The following RALYL variants were observed in gnomAD, a reference collection of about 807,000 sequenced individuals.
The protein encoded by RALYL is RNA-binding Raly-like protein.
Under a neutral mutation model 35.1 loss-of-function variants are expected in RALYL, and 29 were observed. The observed-to-expected ratio is 0.83, with a 90% CI of 0.61 to 1.13. The LOEUF (loss-of-function observed/expected upper bound fraction) is 1.13. Among genes scored for constraint, RALYL ranks in the 50% most tolerant of loss-of-function variants. The pLI, the probability that RALYL is intolerant of heterozygous loss-of-function variation, is 0.00. For missense variants in RALYL, 359 were observed against 360.4 expected (o/e 1.00, Z 0.03); for synonymous variants, 120 against 127.6 (o/e 0.94, Z 0.40).
chr8:84,428,172 G>A (rs2046747018), intron 1 of RALYL, among the ~76,000 whole-genome samples: 1 of 149,102 alleles, frequency 6.7e-6, no homozygotes, highest in African/African-American at 2.5e-5. Flanking sequence ...AGTTTATACT[G>A]AAACTATTTA....
At chr8:84,617,823 AG>A in intron 2 of RALYL, among the ~76,000 whole-genome samples, 1 of 151,792 alleles carries the variant, frequency 6.6e-6, no homozygotes, top group East Asian at 1.9e-4. Flanking sequence ...ATTTTGTCAA[AG>A]GCCTTTTCTG....
intron 1 of RALYL, among the ~76,000 whole-genome samples, chr8:84,200,024 AT>A (rs1371272944): frequency 1.4e-5 from 1 of 69,302 alleles, no homozygotes; most frequent in Middle Eastern, 9.3e-3. Context: ...CCCAGTACTT[AT>A]TATGTAATTT....
At chr8:84,551,324 C>T (rs1201802938) in intron 2 of RALYL, among the ~76,000 whole-genome samples, 7 of 152,056 alleles carry the variant, frequency 4.6e-5, no homozygotes, top group Non-Finnish European at 1.0e-4. Flanking sequence ...TATTGACCAA[C>T]ATAATTGTTT....
In RALYL at chr8:84,802,127, C is replaced by T. The variant is rs189741939; in HGVS notation, c.333-2643C>T. On this transcript the variant is annotated intron_variant, in intron 3 of 8. Coordinates refer to ENST00000521268, the MANE Select transcript of RALYL (RefSeq NM_173848.7). ...CTGCCACAACTACTCAACTTGTTGC[C>T]GTAGCACAAAGCAGCCTTAAACAAT... Among the ~76,000 whole-genome samples, 9 of 152,198 alleles carry T rather than the reference C, an allele frequency of 5.9e-5. No individual in the cohort carries two copies. The South Asian group carries it at 8.3e-4, about 14-fold the overall frequency.
intron 2 of RALYL, among the ~76,000 whole-genome samples, chr8:84,669,476 T>TC (rs1303807313): frequency 5.1e-3 from 54 of 10,642 alleles, no homozygotes; most frequent in East Asian, 6.9e-3. Flanking sequence ...CCACATCTTC[T>TC]CCCTCCCCCC....
At position 84,905,317 on chromosome 8, in the gene RALYL, A is replaced by C. The variant is rs535538852; in HGVS notation, c.859-15577A>C. On this transcript the variant is annotated intron_variant, in intron 8 of 8. Coordinates refer to ENST00000521268, the MANE Select transcript of RALYL (RefSeq NM_173848.7). ...GTATATACCACACTTTACAAAATCC[A>C]TCCGTCAGTGGACATTTAGGTTATT... Among the ~76,000 whole-genome samples the C allele has an allele frequency of 5.9e-5, 9 of 152,314 alleles. No homozygotes were observed. In the South Asian group the frequency reaches 1.4e-3, roughly 25 times the overall value.
intron 1 of RALYL, among the ~76,000 whole-genome samples, chr8:84,516,496 A>G (rs1298471200): frequency 6.6e-6 from 1 of 152,148 alleles, no homozygotes; most frequent in Non-Finnish European, 1.5e-5. Flanking sequence ...CATTTTAAAT[A>G]ATAATATAGT....
chr8:84,545,304 T>C (rs1226085417), intron 2 of RALYL, among the ~76,000 whole-genome samples: 1 of 152,150 alleles, frequency 6.6e-6, no homozygotes, highest in African/African-American at 2.4e-5. Flanking sequence ...CTAAAACCTG[T>C]CAATACTAAA....
At chr8:84,558,980 TA>T (rs1372394764) in intron 2 of RALYL, among the ~76,000 whole-genome samples, 1 of 152,130 alleles carries the variant, frequency 6.6e-6, no homozygotes, top group Non-Finnish European at 1.5e-5. Flanking sequence ...AAAATCTCAT[TA>T]AGCCTTCATC....
chr8:84,844,969 G>T (rs1390282300), intron 4 of RALYL, among the ~76,000 whole-genome samples: 1 of 151,980 alleles, frequency 6.6e-6, no homozygotes, highest in Non-Finnish European at 1.5e-5. Flanking sequence ...GGCCTGTTGT[G>T]GGGTGGGGGA....
intron 1 of RALYL, among the ~76,000 whole-genome samples, chr8:84,304,527 AAATT>A (rs1316841443): frequency 6.6e-6 from 1 of 152,178 alleles, no homozygotes; most frequent in Non-Finnish European, 1.5e-5. Context: ...CTTCTTATTT[AAATT>A]AATTAATAAA....
At chr8:84,247,337 AC>A (rs1278560074) in intron 1 of RALYL, among the ~76,000 whole-genome samples, 8 of 152,144 alleles carry the variant, frequency 5.3e-5, no homozygotes, top group Non-Finnish European at 1.2e-4. Context: ...GATGTCTTAA[AC>A]CCTTTTGGTT....
chr8:84,407,440 T>C (rs1336902581), intron 1 of RALYL, among the ~76,000 whole-genome samples: 1 of 152,110 alleles, frequency 6.6e-6, no homozygotes, highest in African/African-American at 2.4e-5. Context: ...GGAATCCCCA[T>C]GTGTCTATCA....
Position 84,253,176 on chromosome 8 carries a change from G to GTTTT in RALYL, c.-24+68780_-24+68783dup, listed in dbSNP as rs764942491. Among the ~76,000 whole-genome samples, 93 of 52,860 alleles carry GTTTT rather than the reference G, an allele frequency of 1.8e-3. 20 individuals carry two copies. Among genetic ancestry groups the GTTTT allele is most frequent in the African/African-American group, 5.2e-3 (60 of 11,558 alleles). The allele number at this position is 52,860 out of a possible 152,430, so 34.7% of individuals were successfully genotyped here. A position where few individuals can be genotyped will look rare whatever the true frequency, so the allele number is the denominator to read the frequency against. Reference sequence around the variant, plus strand: ...GTATGTGTCTGTGTGTAGTTCTGCAGTTTTTTTTTTTTTTTTTTTTTTTTT... The same window carrying GTTTT: ...GTATGTGTCTGTGTGTAGTTCTGCAGTTTTTTTTTTTTTTTTTTTTTTTTTTTTT... On this transcript the variant is annotated intron_variant, in intron 1 of 8. Transcript: ENST00000521268.
At chr8:84,763,332 T>C (rs1304548013) in intron 2 of RALYL, among the ~76,000 whole-genome samples, 1 of 152,212 alleles carries the variant, frequency 6.6e-6, no homozygotes, top group Non-Finnish European at 1.5e-5. Context: ...TTTCTGTTGG[T>C]TGAATGTTAC....
chr8:84,296,142 TAGA>T (rs1489238607), intron 1 of RALYL, among the ~76,000 whole-genome samples: 6 of 152,104 alleles, frequency 3.9e-5, no homozygotes, highest in African/African-American at 1.4e-4. Flanking sequence ...GTCTATGTAG[TAGA>T]AGATTTTTTA....
intron 2 of RALYL, among the ~76,000 whole-genome samples, chr8:84,740,183 G>A (rs1052216474): frequency 2.6e-5 from 4 of 151,868 alleles, no homozygotes; most frequent in African/African-American, 4.8e-5. Context: ...GTTATACTTC[G>A]GGTGTGCATA....
intron 1 of RALYL, among the ~76,000 whole-genome samples, chr8:84,450,728 T>A (rs1010571537): frequency 6.6e-6 from 1 of 151,994 alleles, no homozygotes; most frequent in Non-Finnish European, 1.5e-5. Flanking sequence ...TTTATTTAAC[T>A]TTAAACTCCA....
chr8:84,526,845 C>G (rs768050436), intron 1 of RALYL, among the ~76,000 whole-genome samples: 44 of 152,158 alleles, frequency 2.9e-4, no homozygotes, highest in Non-Finnish European at 3.2e-4. Context: ...CTTTCCTTGT[C>G]TCTTCTTTCT....
Sources: gnomAD v4.1 joint callset for allele counts (sites outside exome capture counted in the v4.1 genomes callset) on GRCh38, gnomAD v4.1.1 for gene constraint, MANE v1.5 for transcripts, NCBI Gene and HGNC (gene_info 2026-07-23, HGNC 2026-07-21) for gene names.